Variants in KCNIP1 observed in about 807,000 individuals in gnomAD.
KCNIP1 encodes potassium voltage-gated channel interacting protein 1, also known as A-type potassium channel modulatory protein KCNIP1.
A neutral mutation model predicts 33.0 loss-of-function variants in KCNIP1; 18 were observed. The observed-to-expected ratio is 0.55, with a 90% CI of 0.38 to 0.81. KCNIP1 has a LOEUF of 0.81. Among genes scored for constraint, KCNIP1 ranks in the 30% least tolerant of loss-of-function variants. The pLI is 0.00. For synonymous variants in KCNIP1, 93 were observed against 98.3 expected (o/e 0.95, Z 0.32); for missense variants, 238 against 271.6 (o/e 0.88, Z 0.87).
intron 1 of KCNIP1, among the ~76,000 whole-genome samples, chr5:170,436,095 A>T (rs1224231607): frequency 2.0e-5 from 3 of 152,190 alleles, no homozygotes; most frequent in African/African-American, 7.2e-5. Flanking sequence ...GGAGCCGAGA[A>T]GATGTGGGGC....
chr5:170,569,725 C>A (rs535325336), intron 1 of KCNIP1, among the ~76,000 whole-genome samples: 2 of 151,910 alleles, frequency 1.3e-5, no homozygotes, highest in African/African-American at 4.8e-5. Context: ...GCCTGGGAGA[C>A]AGAACGAAGC....
intron 1 of KCNIP1, among the ~76,000 whole-genome samples, chr5:170,630,620 A>G (rs1310616741): frequency 6.6e-6 from 1 of 152,166 alleles, no homozygotes; most frequent in African/African-American, 2.4e-5. Context: ...TGGGAAAGAG[A>G]AAGGGTACTC....
intron 1 of KCNIP1, among the ~76,000 whole-genome samples, chr5:170,410,464 A>T (rs1755156483): frequency 6.6e-6 from 1 of 151,344 alleles, no homozygotes; most frequent in South Asian, 2.1e-4. Flanking sequence ...GGGCACCTGC[A>T]TGTTGTTCTT....
chr5:170,669,351 A>G (rs948769394), intron 1 of KCNIP1: 1 of 189,772 alleles, frequency 5.3e-6, no homozygotes, highest in East Asian at 1.9e-4. Context: ...TCATGAGACT[A>G]TTTTGAAGAT....
At position 170,726,646 on chromosome 5, in the gene KCNIP1, T is replaced by A. The variant is rs1293606405; in HGVS notation, c.435+3826T>A. On this transcript the variant is annotated intron_variant, in intron 5 of 7. Transcript: ENST00000328939. ...CAGGCATGGTGGCTTACGCCTATAATCCCAGTACTTTGGGAGGCTGAGGCA... is the reference window on the plus strand; with the variant it reads ...CAGGCATGGTGGCTTACGCCTATAAACCCAGTACTTTGGGAGGCTGAGGCA... Among the ~76,000 whole-genome samples the A allele has an allele frequency of 2.7e-5, 4 of 150,072 alleles. 1 individual carries two copies. The East Asian group carries it at 7.9e-4, about 30-fold the overall frequency.
intron 1 of KCNIP1, among the ~76,000 whole-genome samples, chr5:170,439,019 A>G (rs1426618868): frequency 1.3e-5 from 2 of 152,202 alleles, no homozygotes; most frequent in African/African-American, 4.8e-5. Flanking sequence ...TGTTGGGAAG[A>G]AAATATTCCC....
intron 1 of KCNIP1, among the ~76,000 whole-genome samples, chr5:170,365,173 G>A (rs1763624689): frequency 6.6e-6 from 1 of 152,162 alleles, no homozygotes. Context: ...GGAGTTGAGA[G>A]GTTGAGCTGG....
intron 1 of KCNIP1, among the ~76,000 whole-genome samples, chr5:170,367,365 GA>G (rs1561586754): frequency 6.1e-5 from 5 of 82,118 alleles, no homozygotes; most frequent in African/African-American, 2.7e-4. Flanking sequence ...AAGAAAGAAA[GA>G]AAGAAAGAAA....
At chr5:170,373,127 G>A (rs1763892459) in intron 1 of KCNIP1, among the ~76,000 whole-genome samples, 1 of 152,330 alleles carries the variant, frequency 6.6e-6, no homozygotes, top group African/African-American at 2.4e-5. Flanking sequence ...AGTGGGGAGG[G>A]AGAGTTGTGC....
chr5:170,630,430 AAG>A (rs1357106499), intron 1 of KCNIP1, among the ~76,000 whole-genome samples: 3 of 152,306 alleles, frequency 2.0e-5, no homozygotes, highest in African/African-American at 7.2e-5. Context: ...GGAACCAGGG[AAG>A]ACTCTCCAAA....
At chr5:170,607,430 A>C (rs999195344) in intron 1 of KCNIP1, among the ~76,000 whole-genome samples, 1 of 152,208 alleles carries the variant, frequency 6.6e-6, no homozygotes, top group Admixed American at 6.5e-5. Context: ...CGTATGCTCC[A>C]AACCCAGGGC....
At position 170,625,098 on chromosome 5, in the gene KCNIP1, T is replaced by C. The variant is rs528255845; in HGVS notation, c.62-93660T>C. On this transcript the variant is annotated intron_variant, in intron 1 of 7. Transcript: ENST00000328939. ...AGCCACCCCATTCAGAGCCTCTTTC[T>C]ACTCTGGTCCTCTGGTCCCAGCAGC... Among the ~76,000 whole-genome samples, 9 of 152,200 alleles carry C rather than the reference T, an allele frequency of 5.9e-5. No individual in the cohort carries two copies. In the South Asian group the frequency reaches 1.5e-3, roughly 25 times the overall value.
At chr5:170,395,591 G>A (rs1403505410) in intron 1 of KCNIP1, among the ~76,000 whole-genome samples, 1 of 152,192 alleles carries the variant, frequency 6.6e-6, no homozygotes, top group East Asian at 1.9e-4. Flanking sequence ...GAATGGACAG[G>A]TATAAGGGAG....
At chr5:170,635,704 G>T (rs908605274) in intron 1 of KCNIP1, among the ~76,000 whole-genome samples, 1 of 152,262 alleles carries the variant, frequency 6.6e-6, no homozygotes, top group African/African-American at 2.4e-5. Context: ...CTCCAGCCAA[G>T]ATAAGTATCT....
upstream of KCNIP1, among the ~76,000 whole-genome samples, chr5:170,502,811 G>A (rs1457795300): frequency 6.6e-6 from 1 of 152,094 alleles, no homozygotes; most frequent in African/African-American, 2.4e-5. Context: ...AATCAAAATG[G>A]GTCTCAGTGG....
At chr5:170,678,240 G>A (rs1445094732) in intron 1 of KCNIP1, among the ~76,000 whole-genome samples, 1 of 152,228 alleles carries the variant, frequency 6.6e-6, no homozygotes, top group Non-Finnish European at 1.5e-5. Flanking sequence ...TGGGACATAT[G>A]AGGACAGCAC....
chr5:170,399,998 C>T (rs1012335733), intron 1 of KCNIP1, among the ~76,000 whole-genome samples: 1 of 152,298 alleles, frequency 6.6e-6, no homozygotes, highest in African/African-American at 2.4e-5. Flanking sequence ...AAAATACACA[C>T]CTCTGTTCTG....
chr5:170,557,621 G>A lies in KCNIP1; in HGVS notation c.61+52988G>A, dbSNP rs181426543. On this transcript the variant is annotated intron_variant, in intron 1 of 7. Coordinates refer to ENST00000328939, the MANE Select transcript of KCNIP1 (RefSeq NM_014592.4). The stretch of plus-strand genomic sequence containing the variant: ...GCCAGTGGAGAGCAGGGAAGGCCTC[G>A]TGGACAACATCCTATTTGAGCCACA... Among the ~76,000 whole-genome samples the A allele has an allele frequency of 5.1e-4, 78 of 152,282 alleles. 1 individual carries two copies. The highest frequency in any genetic ancestry group is 8.5e-4 in the Non-Finnish European group (58 of 68,024).
At chr5:170,533,188 A>AGTGTGT (rs35653673) in intron 1 of KCNIP1, among the ~76,000 whole-genome samples, 2 of 150,912 alleles carry the variant, frequency 1.3e-5, no homozygotes, top group Non-Finnish European at 3.0e-5. Flanking sequence ...AGGGTCACTG[A>AGTGTGT]GTGTGTGTGT....
Sources: allele counts gnomAD v4.1 joint callset (sites outside exome capture counted in the v4.1 genomes callset), GRCh38; gene constraint gnomAD v4.1.1; transcripts MANE v1.5; gene names NCBI Gene and HGNC (gene_info 2026-07-23, HGNC 2026-07-21).